The following CAMSAP1 variants were observed in gnomAD, a reference collection of about 807,000 sequenced individuals.
CAMSAP1 encodes calmodulin-regulated spectrin-associated protein 1.
Under a neutral mutation model 143.5 loss-of-function variants are expected in CAMSAP1, and 58 were observed. The ratio of observed to expected loss-of-function variants is 0.40; its 90% confidence interval spans 0.33 to 0.50. The LOEUF (loss-of-function observed/expected upper bound fraction) is 0.50, where lower values mean the gene tolerates loss of function less well. CAMSAP1 is among the 20% of genes least tolerant of loss of function. The pLI is 0.45. For synonymous variants in CAMSAP1, 945 were observed against 859.3 expected, an observed-to-expected ratio of 1.10 and a Z score of -1.74; for missense variants, 1,969 against 2,115.7, an observed-to-expected ratio of 0.93 and a Z score of 1.36.
intron 5 of CAMSAP1, 26 bp downstream of exon 5, chr9:135,862,441 G>C (rs551675739): frequency 1.3e-6 from 2 of 1,547,788 alleles, no homozygotes; most frequent in East Asian, 4.9e-5. Flanking sequence ...TTTCGGATCT[G>C]TTTCAGGGAA....
chr9:135,905,177 A>T (rs1474470690), intron 1 of CAMSAP1, among the ~76,000 whole-genome samples: 1 of 152,234 alleles, frequency 6.6e-6, no homozygotes, highest in Non-Finnish European at 1.5e-5. Flanking sequence ...TTGTGAATTC[A>T]TCATCCGATG....
chr9:135,838,459 C>A (rs1306916292), intron 7 of CAMSAP1, among the ~76,000 whole-genome samples: 43 of 147,764 alleles, frequency 2.9e-4, no homozygotes, highest in African/African-American at 1.1e-3. Flanking sequence ...GCACTTTCCA[C>A]CTGTTCTACA....
Position 135,824,804 on chromosome 9 carries a change from C to A in CAMSAP1, c.1300G>T (p.Gly434Ter). The A allele has an allele frequency of 6.3e-7, 1 of 1,594,490 alleles. No individual in the cohort carries two copies. Among genetic ancestry groups the A allele is most frequent in the Admixed American group, 1.8e-5 (1 of 56,988 alleles). The change falls in exon 9 of 17, where the codon GGA (glycine) becomes TGA (stop). Residue 434 changes from glycine (G) to a stop codon, truncating the protein, a stop_gained. Coordinates refer to ENST00000389532, the MANE Select transcript of CAMSAP1 (RefSeq NM_015447.4). LOFTEE classifies it high-confidence loss of function. The surrounding 1 kb of genome is among the most constrained non-coding windows in gnomAD (Gnocchi z 4.1). ...LRQKQQKSIQGEDIPDQRHRS... is the reference protein window; with the variant it reads ...LRQKQQKSIQ ...ACATTCTTACCAGGGATGTCCTCTC[C>A]CTGTATGGATTTCTGCTGTTTCTGT...
intron 1 of CAMSAP1, among the ~76,000 whole-genome samples, chr9:135,890,265 C>A (rs1347348332): frequency 6.6e-6 from 1 of 152,108 alleles, no homozygotes; most frequent in Admixed American, 6.5e-5. Context: ...ACAATCCACA[C>A]CTGCAGGAGG....
intron 7 of CAMSAP1, 114 bp from the exon 8 acceptor site, chr9:135,827,698 G>C (rs1446035790): frequency 4.8e-6 from 5 of 1,033,194 alleles, no homozygotes; most frequent in Non-Finnish European, 2.6e-6. Context: ...CCAAACTTCT[G>C]CCAAAAAAAA....
Position 135,811,600 on chromosome 9 carries a change from C to G in CAMSAP1, c.4518G>C (p.Lys1506Asn). 6.3e-7 allele frequency: 1 copy of G among 1,587,542 alleles called. No homozygotes were observed. The highest frequency in any genetic ancestry group is 1.1e-5 in the South Asian group (1 of 87,090). Residue 1506 changes from lysine to asparagine, a missense_variant, in exon 17 of 17, where the codon AAG (lysine) becomes AAC (asparagine). By Grantham distance (94) the Lys-to-Asn change is moderately conservative. This residue lies in a region of CAMSAP1 where 143 missense variants were observed against 200.6 expected (regional missense o/e 0.71). Transcript: ENST00000389532. This position sits in a 1 kb window ranked among gnomAD's most constrained non-coding sequence, Gnocchi z 4.9. ...GTATGATGTAGTGATTGGCATCACA[C>G]TTCTCCAGCTCCTGTGCAGAGAGAG... Reference protein sequence around the residue: ...HKNSILEELEKCDANHYIILF... With the variant: ...HKNSILEELENCDANHYIILF...
chr9:135,884,479 A>C (rs1246577669), intron 1 of CAMSAP1, among the ~76,000 whole-genome samples: 1 of 152,124 alleles, frequency 6.6e-6, no homozygotes, highest in Non-Finnish European at 1.5e-5. Context: ...TAGCTGGTTT[A>C]CTTCTAAACG....
intron 14 of CAMSAP1, among the ~76,000 whole-genome samples, chr9:135,817,570 A>G (rs1409113232): frequency 6.7e-6 from 1 of 150,364 alleles, no homozygotes; most frequent in Non-Finnish European, 1.5e-5. Context: ...TTTTTTTTGT[A>G]TTTTTTGTAG....
At chr9:135,873,755 TAAAG>T (rs550122032) in intron 3 of CAMSAP1, among the ~76,000 whole-genome samples, 180 of 152,300 alleles carry the variant, frequency 1.2e-3, no homozygotes, top group African/African-American at 4.0e-3. Context: ...ATATGTATAT[TAAAG>T]AAATTAAATT....
chr9:135,814,422 C>T (rs1404965876), intron 16 of CAMSAP1, among the ~76,000 whole-genome samples: 1 of 152,214 alleles, frequency 6.6e-6, no homozygotes, highest in Non-Finnish European at 1.5e-5. Flanking sequence ...TAAGGCCACA[C>T]ACCAGCCTCA....
At chr9:135,888,389 C>T (rs1052717796) in intron 1 of CAMSAP1, among the ~76,000 whole-genome samples, 5 of 152,204 alleles carry the variant, frequency 3.3e-5, no homozygotes, top group Non-Finnish European at 5.9e-5. Context: ...AGCTCTTCCA[C>T]GGCAGCACAC....
At chr9:135,837,036 TC>T in intron 7 of CAMSAP1, 3 of 795,956 alleles carry the variant, frequency 3.8e-6, no homozygotes, top group Non-Finnish European at 4.5e-6. Context: ...CCACACATGT[TC>T]TAGAGACACA....
At chr9:135,819,640 C>T (rs1030739434) in intron 11 of CAMSAP1, among the ~76,000 whole-genome samples, 2 of 149,746 alleles carry the variant, frequency 1.3e-5, no homozygotes, top group Admixed American at 6.7e-5. Flanking sequence ...TCAAGACCAG[C>T]CTGGCCGACA....
chr9:135,811,654 C>G lies in CAMSAP1; in HGVS notation c.4507-43G>C, dbSNP rs1286256841. 6.5e-7 allele frequency: 1 copy of G among 1,537,144 alleles called. No homozygotes were observed. The highest frequency in any genetic ancestry group is 2.0e-5 in the Admixed American group (1 of 50,822). On this transcript the variant is annotated intron_variant, in intron 16 of 16. Coordinates refer to ENST00000389532, the MANE Select transcript of CAMSAP1 (RefSeq NM_015447.4). The surrounding 1 kb of genome is among the most constrained non-coding windows in gnomAD (Gnocchi z 4.9). ...AGGGGAAGAGACAAACACTTCAGGG[C>G]CACTCCAATTGCCACGAGTTGGGCT...
intron 1 of CAMSAP1, among the ~76,000 whole-genome samples, chr9:135,895,753 A>T (rs1365913005): frequency 1.3e-5 from 2 of 152,218 alleles, no homozygotes; most frequent in African/African-American, 4.8e-5. Context: ...AAGTGGAGAG[A>T]GCAAGGGCGG....
intron 15 of CAMSAP1, among the ~76,000 whole-genome samples, 167 bp downstream of exon 15, chr9:135,815,723 T>G (rs766691186): frequency 6.6e-6 from 1 of 152,278 alleles, no homozygotes; most frequent in Non-Finnish European, 1.5e-5. Flanking sequence ...CTAAACCACA[T>G]GCCCATTTCA....
chr9:135,867,243 T>G (rs1201774925), intron 3 of CAMSAP1, among the ~76,000 whole-genome samples: 1 of 151,712 alleles, frequency 6.6e-6, no homozygotes, highest in Admixed American at 6.6e-5. Flanking sequence ...AAACTGTTTT[T>G]AAAAATAAAG....
At chr9:135,864,248 T>C (rs1381191353) in intron 4 of CAMSAP1, among the ~76,000 whole-genome samples, 1 of 152,262 alleles carries the variant, frequency 6.6e-6, no homozygotes, top group Non-Finnish European at 1.5e-5. Flanking sequence ...CTGTGAGCCC[T>C]TGACTAAATC....
chr9:135,881,602 G>A, intron 3 of CAMSAP1, 31 bp downstream of exon 3: 1 of 1,550,882 alleles, frequency 6.4e-7, no homozygotes, highest in Non-Finnish European at 8.7e-7. Context: ...CAGAAGCAGA[G>A]TCACACACCA....
Sources: gnomAD v4.1 joint callset for allele counts (sites outside exome capture counted in the v4.1 genomes callset) on GRCh38, gnomAD v4.1.1 for gene constraint, gnomAD v4.1.1 regional missense constraint, Gnocchi (gnomAD v3.1) non-coding constraint, MANE v1.5 for transcripts, NCBI Gene and HGNC (gene_info 2026-07-23, HGNC 2026-07-21) for gene names.